Variants in SHISA6 observed in about 807,000 individuals in gnomAD.
SHISA6 encodes shisa family member 6, also known as protein shisa-6.
In SHISA6, 22 loss-of-function variants were observed where a neutral mutation model predicts 47.9. The observed-to-expected ratio is 0.46, with a 90% CI of 0.33 to 0.66. The LOEUF (loss-of-function observed/expected upper bound fraction) is 0.66. Among genes scored for constraint, SHISA6 ranks in the 30% least tolerant of loss-of-function variants. The probability of loss-of-function intolerance (pLI) is 0.02; values close to 1 mark genes in which losing one functional copy is unlikely to be tolerated. For missense variants in SHISA6, 680 were observed against 764.6 expected (o/e 0.89, Z 1.30); for synonymous variants, 388 against 337.8 (o/e 1.15, Z -1.63).
intron 3 of SHISA6, among the ~76,000 whole-genome samples, chr17:11,549,572 C>T (rs547008397): frequency 1.3e-5 from 2 of 152,244 alleles, no homozygotes; most frequent in East Asian, 3.9e-4. Context: ...TTTAAAATGC[C>T]TATGAAAGTG....
chr17:11,256,527 T>C (rs1432329184), intron 1 of SHISA6, among the ~76,000 whole-genome samples: 1 of 151,974 alleles, frequency 6.6e-6, no homozygotes, highest in African/African-American at 2.4e-5. Context: ...ACGCCAACAA[T>C]CACAAGAATC....
intron 2 of SHISA6, among the ~76,000 whole-genome samples, chr17:11,287,731 G>A (rs374724077): frequency 1.8e-4 from 26 of 145,508 alleles, no homozygotes; most frequent in African/African-American, 5.6e-4. Flanking sequence ...GGGAGGAAGG[G>A]GCTGGGAAGG....
At chr17:11,357,649 T>C (rs1403279167) in intron 2 of SHISA6, among the ~76,000 whole-genome samples, 1 of 152,254 alleles carries the variant, frequency 6.6e-6, no homozygotes, top group East Asian at 1.9e-4. Flanking sequence ...CAAGTGACTG[T>C]GTGGCATCTA....
intron 3 of SHISA6, among the ~76,000 whole-genome samples, chr17:11,385,813 G>A (rs558732293): frequency 1.1e-4 from 17 of 152,244 alleles, no homozygotes; most frequent in Admixed American, 1.0e-3. Context: ...CAGGAAACCA[G>A]GGTGGTGTGC....
intron 3 of SHISA6, among the ~76,000 whole-genome samples, chr17:11,418,221 G>C (rs568351049): frequency 6.6e-6 from 1 of 151,964 alleles, no homozygotes; most frequent in Non-Finnish European, 1.5e-5. Context: ...AAAAATCTTG[G>C]TGTCCAAGTT....
intron 3 of SHISA6, among the ~76,000 whole-genome samples, chr17:11,548,550 A>G (rs868297053): frequency 6.6e-6 from 1 of 152,014 alleles, no homozygotes; most frequent in East Asian, 1.9e-4. Flanking sequence ...AGACAAGTGA[A>G]TCGTTCAACA....
intron 2 of SHISA6, among the ~76,000 whole-genome samples, chr17:11,316,160 T>TTTTA (rs34646501): frequency 6.7e-6 from 1 of 149,612 alleles, no homozygotes; most frequent in African/African-American, 2.5e-5. Flanking sequence ...ATAGTGTTTT[T>TTTTA]AAAAAAAAAA....
rs2071905384 is a variant in SHISA6, at chr17:11,548,819, T to A, written c.896-3077T>A. The stretch of plus-strand genomic sequence containing the variant: ...ATAGACTATTCTATAGATAGAATAT[T>A]GTGAAACCATATAAGGTGTTTCAAA... On this transcript the variant is annotated intron_variant, in intron 3 of 5. Coordinates refer to ENST00000441885, the MANE Select transcript of SHISA6 (RefSeq NM_207386.4). Among the ~76,000 whole-genome samples, 6 of 152,198 alleles carry A rather than the reference T, an allele frequency of 3.9e-5. No individual in the cohort carries two copies. In the South Asian group the frequency reaches 1.2e-3, roughly 31 times the overall value.
rs7222283 is a variant in SHISA6, at chr17:11,362,649, G to A, written c.800-16765G>A. ...GTTTTGGACCAAATTTCTAAAACGA[G>A]GAAGATTTAATTTTCTCATGTGCCA... On this transcript the variant is annotated intron_variant, in intron 2 of 5. Coordinates refer to ENST00000441885, the MANE Select transcript of SHISA6 (RefSeq NM_207386.4). Among the ~76,000 whole-genome samples, 1,000 of 152,254 alleles carry A rather than the reference G, an allele frequency of 6.6e-3. 20 individuals are homozygous for A. Among genetic ancestry groups the A allele is most frequent in the African/African-American group, 0.022 (933 of 41,540 alleles).
At chr17:11,316,766 T>C (rs1016711443) in intron 2 of SHISA6, among the ~76,000 whole-genome samples, 19 of 152,166 alleles carry the variant, frequency 1.2e-4, no homozygotes, top group African/African-American at 4.6e-4. Context: ...TCTTATTTTC[T>C]TACAAATGTA....
chr17:11,433,180 C>T (rs955965415), intron 3 of SHISA6, among the ~76,000 whole-genome samples: 2 of 152,122 alleles, frequency 1.3e-5, no homozygotes, highest in Non-Finnish European at 2.9e-5. Context: ...TTGCTGCACC[C>T]ATCAACCCGT....
At chr17:11,370,424 T>A (rs1167022368) in intron 2 of SHISA6, among the ~76,000 whole-genome samples, 2 of 152,204 alleles carry the variant, frequency 1.3e-5, no homozygotes, top group Non-Finnish European at 2.9e-5. Context: ...TTTACGTTTT[T>A]GTTTGTTTCT....
chr17:11,462,612 T>C (rs943128028), intron 3 of SHISA6, among the ~76,000 whole-genome samples: 13 of 152,122 alleles, frequency 8.5e-5, no homozygotes, highest in African/African-American at 2.9e-4. Flanking sequence ...TGTGGGGTTT[T>C]TTTTGTTTGT....
At chr17:11,340,346 C>T (rs1379815552) in intron 2 of SHISA6, among the ~76,000 whole-genome samples, 1 of 152,206 alleles carries the variant, frequency 6.6e-6, no homozygotes, top group Non-Finnish European at 1.5e-5. Context: ...TTGCATTTAG[C>T]TGTGGGGACA....
intron 3 of SHISA6, among the ~76,000 whole-genome samples, chr17:11,391,639 T>G (rs1385223397): frequency 6.6e-6 from 1 of 151,946 alleles, no homozygotes; most frequent in Non-Finnish European, 1.5e-5. Flanking sequence ...CTGAAGGGAG[T>G]TGAGTGGGTT....
intron 2 of SHISA6, among the ~76,000 whole-genome samples, chr17:11,365,975 G>A (rs1285750593): frequency 6.6e-6 from 1 of 152,178 alleles, no homozygotes; most frequent in Admixed American, 6.5e-5. Context: ...AGGACAGAGA[G>A]TTCCAGGAAG....
intron 3 of SHISA6, among the ~76,000 whole-genome samples, chr17:11,525,936 G>A (rs1362411835): frequency 6.6e-6 from 1 of 151,908 alleles, no homozygotes; most frequent in Non-Finnish European, 1.5e-5. Context: ...TTGAGGCCAG[G>A]AGGTTGAGGC....
At chr17:11,494,085 C>A (rs1002949148) in intron 3 of SHISA6, among the ~76,000 whole-genome samples, 2 of 152,136 alleles carry the variant, frequency 1.3e-5, no homozygotes, top group African/African-American at 4.8e-5. Flanking sequence ...TGTGGCTTAG[C>A]AGGGGGCTTC....
intron 3 of SHISA6, among the ~76,000 whole-genome samples, chr17:11,404,927 A>C (rs1212566026): frequency 6.6e-6 from 1 of 152,146 alleles, no homozygotes; most frequent in Non-Finnish European, 1.5e-5. Context: ...CCTTTATGTG[A>C]AAAGAAGTAC....
Sources: gnomAD v4.1 joint callset for allele counts (sites outside exome capture counted in the v4.1 genomes callset) on GRCh38, gnomAD v4.1.1 for gene constraint, MANE v1.5 for transcripts, NCBI Gene and HGNC (gene_info 2026-07-23, HGNC 2026-07-21) for gene names.